The following ASAP1 variants were observed in gnomAD, a reference collection of about 807,000 sequenced individuals.
The protein encoded by ASAP1 is arf-GAP with SH3 domain, ANK repeat and PH domain-containing protein 1.
ASAP1 carries 43 observed loss-of-function variants against 145.2 expected under a neutral mutation model. The ratio of observed to expected loss-of-function variants is 0.30; its 90% CI spans 0.23 to 0.38. The LOEUF is 0.38. Ranked by LOEUF, ASAP1 falls within the 10% of genes least tolerant of loss-of-function variation. The pLI is 1.00. For synonymous variants in ASAP1, 546 were observed against 515.5 expected (o/e 1.06, Z -0.80); for missense variants, 1,018 against 1,355.3 (o/e 0.75, Z 3.91).
At chr8:130,373,587 G>A (rs1001065763) in intron 2 of ASAP1, among the ~76,000 whole-genome samples, 4 of 152,132 alleles carry the variant, frequency 2.6e-5, no homozygotes, top group Admixed American at 6.5e-5. Context: ...AGTGGCTCAC[G>A]CCTGTTATCC....
intron 1 of ASAP1, among the ~76,000 whole-genome samples, chr8:130,403,554 CTTTTTT>C (rs372481861): frequency 2.4e-5 from 3 of 125,398 alleles, no homozygotes; most frequent in African/African-American, 6.2e-5. Context: ...TTTTCTTTTT[CTTTTTT>C]TTTTTTTTTT....
intron 1 of ASAP1, among the ~76,000 whole-genome samples, chr8:130,425,113 C>T (rs1219647190): frequency 1.3e-5 from 2 of 152,160 alleles, no homozygotes; most frequent in African/African-American, 4.8e-5. Context: ...GGCGAAATCA[C>T]TTGAAATCAG....
intron 3 of ASAP1, among the ~76,000 whole-genome samples, chr8:130,337,867 A>G (rs1464151706): frequency 6.6e-6 from 1 of 152,242 alleles, no homozygotes; most frequent in Non-Finnish European, 1.5e-5. Context: ...ACCTACATAT[A>G]AAATAGTGAC....
Position 130,180,894 on chromosome 8 carries a change from C to A in ASAP1, c.531-14G>T. ...TCAATTTTTGTACTGTAATTAAAGCCAATGTCATTATTTAAAAAAAAAAAA... is the reference window on the plus strand; with the variant it reads ...TCAATTTTTGTACTGTAATTAAAGCAAATGTCATTATTTAAAAAAAAAAAA... On this transcript the variant is annotated splice_polypyrimidine_tract_variant and intron_variant, in intron 7 of 29. Transcript: ENST00000518721. 1.3e-6 allele frequency: 2 copies of A among 1,555,630 alleles called. No individual in the cohort carries two copies. Among genetic ancestry groups the A allele is most frequent in the Admixed American group, 2.0e-5 (1 of 49,934 alleles).
intron 18 of ASAP1, among the ~76,000 whole-genome samples, chr8:130,119,704 TA>T (rs1389759959): frequency 3.9e-5 from 6 of 152,168 alleles, no homozygotes; most frequent in Non-Finnish European, 7.3e-5. Context: ...ATGAGCTAAT[TA>T]ATAAAGACAG....
intron 4 of ASAP1, among the ~76,000 whole-genome samples, chr8:130,229,816 G>A (rs902382054): frequency 1.3e-5 from 2 of 152,168 alleles, no homozygotes; most frequent in Non-Finnish European, 2.9e-5. Flanking sequence ...AGAGGTGGGT[G>A]GATGGCTTGG....
At chr8:130,094,546 T>C (rs1244392664) in intron 24 of ASAP1, among the ~76,000 whole-genome samples, 2 of 152,052 alleles carry the variant, frequency 1.3e-5, no homozygotes, top group African/African-American at 2.4e-5. Context: ...ATACGAATAG[T>C]TGTACCTCTT....
At chr8:130,057,687 A>G (rs942563307) in intron 29 of ASAP1, among the ~76,000 whole-genome samples, 1 of 152,120 alleles carries the variant, frequency 6.6e-6, no homozygotes, top group Admixed American at 6.5e-5. Flanking sequence ...CGACCTCGAG[A>G]TCCATCCGCC....
At chr8:130,180,584 C>T (rs1814286759) in intron 8 of ASAP1, among the ~76,000 whole-genome samples, 167 bp downstream of exon 8, 1 of 152,210 alleles carries the variant, frequency 6.6e-6, no homozygotes, top group African/African-American at 2.4e-5. Context: ...AGTGCAATGG[C>T]AGGTTCCCAA....
intron 13 of ASAP1, among the ~76,000 whole-genome samples, chr8:130,149,540 A>G (rs969259902): frequency 6.6e-6 from 1 of 152,116 alleles, no homozygotes; most frequent in Non-Finnish European, 1.5e-5. Context: ...ACCCTGCATC[A>G]TTAATCTAAA....
intron 9 of ASAP1, among the ~76,000 whole-genome samples, chr8:130,176,417 G>A (rs1813956522): frequency 6.6e-6 from 1 of 152,136 alleles, no homozygotes; most frequent in Non-Finnish European, 1.5e-5. Context: ...TAGAGTTCTT[G>A]GGGTTCCACC....
chr8:130,419,450 T>C (rs763369854), intron 1 of ASAP1, among the ~76,000 whole-genome samples: 3 of 152,156 alleles, frequency 2.0e-5, no homozygotes, highest in Non-Finnish European at 2.9e-5. Context: ...TTTTGGATGT[T>C]ATAAGAAAGA....
intron 24 of ASAP1, among the ~76,000 whole-genome samples, chr8:130,103,512 A>AT (rs112753615): frequency 0.057 from 8,601 of 150,356 alleles, 324 homozygotes; most frequent in Non-Finnish European, 0.082. Context: ...TTATTTTTTT[A>AT]TTTTTTTTGA....
intron 1 of ASAP1, among the ~76,000 whole-genome samples, chr8:130,424,350 C>T (rs1587020960): frequency 6.6e-6 from 1 of 152,226 alleles, no homozygotes; most frequent in South Asian, 2.1e-4. Flanking sequence ...CTAGCCCCCA[C>T]TCTCCTGATG....
intron 4 of ASAP1, among the ~76,000 whole-genome samples, chr8:130,217,458 TGTATATATACAC>T (rs1190513012): frequency 1.3e-5 from 2 of 152,034 alleles, no homozygotes; most frequent in African/African-American, 2.4e-5. Context: ...TGTGTATATA[TGTATATATACAC>T]GTATATATAC....
At chr8:130,108,726 A>G (rs1411179275) in intron 24 of ASAP1, among the ~76,000 whole-genome samples, 2 of 150,592 alleles carry the variant, frequency 1.3e-5, no homozygotes, top group Non-Finnish European at 3.0e-5. Flanking sequence ...AAGGTTAAAA[A>G]GAAACTAATC....
At chr8:130,405,335 C>A (rs1357430514) in intron 1 of ASAP1, among the ~76,000 whole-genome samples, 1 of 152,140 alleles carries the variant, frequency 6.6e-6, no homozygotes, top group African/African-American at 2.4e-5. Flanking sequence ...TGTGGCAGAA[C>A]TAAGATCCTG....
intron 29 of ASAP1, among the ~76,000 whole-genome samples, chr8:130,056,245 G>T (rs1171079241): frequency 6.6e-6 from 1 of 152,232 alleles, no homozygotes; most frequent in Admixed American, 6.5e-5. Context: ...ACTGATTCAC[G>T]TGGGGGGGCT....
chr8:130,176,874 GAA>G (rs1813993012), intron 9 of ASAP1, among the ~76,000 whole-genome samples: 2 of 152,094 alleles, frequency 1.3e-5, no homozygotes, highest in African/African-American at 4.8e-5. Flanking sequence ...ACTTTTAGTA[GAA>G]ACGGGGTTTT....
Sources: allele counts gnomAD v4.1 joint callset (sites outside exome capture counted in the v4.1 genomes callset), GRCh38; gene constraint gnomAD v4.1.1; transcripts MANE v1.5; gene names NCBI Gene and HGNC (gene_info 2026-07-23, HGNC 2026-07-21).